APIP: variants seen among roughly 807,000 people sequenced by gnomAD.
The protein encoded by APIP is APAF1 interacting protein.
APIP carries 32 observed loss-of-function variants against 32.0 expected under a neutral mutation model. The observed-to-expected ratio is 1.00, with a 90% CI of 0.76 to 1.34. The LOEUF (loss-of-function observed/expected upper bound fraction) is 1.34, where lower values mean the gene tolerates loss of function less well. Ranked by LOEUF, APIP falls within the 40% of genes most tolerant of loss-of-function variation. The pLI is 0.00. For missense variants in APIP, 247 were observed against 298.6 expected (o/e 0.83, Z 1.27); for synonymous variants, 92 against 94.8 (o/e 0.97, Z 0.17).
In APIP at chr11:34,890,613, G is replaced by A. The variant is rs774491575; in HGVS notation, c.159-61C>T. ...ATTTCCTGCTTTTGCACAAAGAAAAGTTTGCAGTCCAATCATGCATGTTCT... is the reference window on the plus strand; with the variant it reads ...ATTTCCTGCTTTTGCACAAAGAAAAATTTGCAGTCCAATCATGCATGTTCT... On this transcript the variant is annotated intron_variant, in intron 2 of 6. Transcript: ENST00000395787. 11 of 1,559,874 alleles carry A rather than the reference G, an allele frequency of 7.1e-6. No homozygotes were observed. In the South Asian group the frequency reaches 9.1e-5, roughly 13 times the overall value.
intron 1 of APIP, among the ~76,000 whole-genome samples, chr11:34,897,905 C>A (rs1853304749): frequency 6.6e-6 from 1 of 152,124 alleles, no homozygotes; most frequent in Non-Finnish European, 1.5e-5. Context: ...CCTCCTCCAG[C>A]CTCCTAATAG....
chr11:34,902,299 C>T (rs2133917477), intron 1 of APIP, among the ~76,000 whole-genome samples: 1 of 152,328 alleles, frequency 6.6e-6, no homozygotes, highest in African/African-American at 2.4e-5. Context: ...TGTCACAAGA[C>T]ATTTCTGAGT....
At chr11:34,900,023 C>T (rs182314077) in intron 1 of APIP, among the ~76,000 whole-genome samples, 5 of 152,240 alleles carry the variant, frequency 3.3e-5, no homozygotes, top group Admixed American at 3.3e-4. Flanking sequence ...TAGTCTATTG[C>T]ACAAGGGCAT....
At chr11:34,891,979 A>G (rs1853193202) in intron 2 of APIP, among the ~76,000 whole-genome samples, 1 of 152,146 alleles carries the variant, frequency 6.6e-6, no homozygotes, top group Non-Finnish European at 1.5e-5. Context: ...AGTCCTGGGA[A>G]TAGACTCAAA....
chr11:34,895,105 C>T lies in APIP; in HGVS notation c.63G>A (p.Lys21=), dbSNP rs776534472. 3.1e-6 allele frequency: 5 copies of T among 1,612,914 alleles called. No individual in the cohort carries two copies. Among genetic ancestry groups the T allele is most frequent in the East Asian group, 2.2e-5 (1 of 44,870 alleles). ...CTGGGATCAGGTATCTTGGATGCTC[C>T]TTGTCCTTAAAAAGAAGGTAATGAT... The part of the protein sequence containing the change: ...CCSRRCGAQD[K]EHPRYLIPEL... Residue 21 remains lysine (K), a synonymous_variant, in exon 2 of 7, where the codon AAG becomes AAA. Transcript: ENST00000395787.
At chr11:34,888,480 T>G in intron 4 of APIP, 52 bp from the exon 5 acceptor site, 1 of 1,575,754 alleles carries the variant, frequency 6.3e-7, no homozygotes, top group African/African-American at 1.4e-5. Flanking sequence ...AATTATAGCT[T>G]TTAAAGAAAA....
chr11:34,898,226 A>C (rs1176459358), intron 1 of APIP, among the ~76,000 whole-genome samples: 1 of 152,016 alleles, frequency 6.6e-6, no homozygotes, highest in Non-Finnish European at 1.5e-5. Flanking sequence ...CTCTATTTTA[A>C]AATCAAATCA....
intron 1 of APIP, among the ~76,000 whole-genome samples, chr11:34,906,115 G>T (rs1442967715): frequency 6.6e-6 from 1 of 152,044 alleles, no homozygotes; most frequent in African/African-American, 2.4e-5. Flanking sequence ...AAATCTGCCG[G>T]TGTCTCTCAC....
In APIP at chr11:34,883,471, C is replaced by A. The variant is rs749266590; in HGVS notation, c.495G>T (p.Glu165Asp). The A allele has an allele frequency of 6.2e-7, 1 of 1,613,890 alleles. No individual in the cohort carries two copies. Among genetic ancestry groups the A allele is most frequent in the Admixed American group, 1.7e-5 (1 of 59,972 alleles). Residue 165 changes from glutamate to aspartate, a missense_variant, in exon 6 of 7, where the codon GAG becomes GAT. Transcript: ENST00000395787. ...YDDMLVVPII[E>D]NTPEEKDLKD... ...TGAGGTCTTTCTCCTCAGGTGTATTCTCAATAATGGGTACCACTAACATAT... is the reference window on the plus strand; with the variant it reads ...TGAGGTCTTTCTCCTCAGGTGTATTATCAATAATGGGTACCACTAACATAT...
rs1042149869 is a variant in APIP at position 34,892,535 on chromosome 11, T to C, written c.159-1983A>G. On this transcript the variant is annotated intron_variant, in intron 2 of 6. Transcript: ENST00000395787. ...TCACATGCAACAGGATCAGTCTCTC[T>C]GACACCTGTCAATATTACTCTGTGA... Among the ~76,000 whole-genome samples the C allele has an allele frequency of 7.4e-5, 11 of 148,622 alleles. 1 individual carries two copies. The Admixed American group carries it at 7.5e-4, about 10-fold the overall frequency.
intron 2 of APIP, among the ~76,000 whole-genome samples, chr11:34,894,732 T>C (rs1280647304): frequency 6.6e-6 from 1 of 152,204 alleles, no homozygotes; most frequent in Admixed American, 6.5e-5. Context: ...TGAACATACT[T>C]GGTAGCATGT....
At chr11:34,896,357 T>C (rs560334688) in intron 1 of APIP, among the ~76,000 whole-genome samples, 8 of 152,074 alleles carry the variant, frequency 5.3e-5, no homozygotes, top group African/African-American at 1.7e-4. Flanking sequence ...ATAAAGAAAA[T>C]GTGACACATA....
chr11:34,915,230 G>C (rs1853650740), intron 1 of APIP, among the ~76,000 whole-genome samples: 1 of 152,102 alleles, frequency 6.6e-6, no homozygotes, highest in Non-Finnish European at 1.5e-5. Context: ...CACTTGCCCA[G>C]GAACGATCTC....
chr11:34,913,456 A>C (rs1853590968), intron 1 of APIP, among the ~76,000 whole-genome samples: 2 of 151,828 alleles, frequency 1.3e-5, no homozygotes, highest in Admixed American at 6.6e-5. Flanking sequence ...TGACTTCAGG[A>C]GTGAAGCTGC....
At chr11:34,883,897 G>A (rs1217139800) in intron 5 of APIP, among the ~76,000 whole-genome samples, 1 of 152,134 alleles carries the variant, frequency 6.6e-6, no homozygotes, top group Admixed American at 6.5e-5. Context: ...TATATATTAA[G>A]AATTTCCCAA....
exon 1 of APIP, chr11:34,916,373 TGCAATCAGGCGGC>T: frequency 6.4e-7 from 1 of 1,564,940 alleles, no homozygotes; most frequent in South Asian, 1.2e-5. Context: ...AGGCCGCAAA[TGCAATCAGGCGGC>T]GCTGAGGGCA....
intron 3 of APIP, among the ~76,000 whole-genome samples, chr11:34,889,660 A>G (rs1333235166): frequency 6.6e-6 from 1 of 152,044 alleles, no homozygotes; most frequent in African/African-American, 2.4e-5. Context: ...AGTAGGTCCC[A>G]GTGTGTATTG....
At position 34,888,429 on chromosome 11, in the gene APIP, C is replaced by T. The variant is rs1221402945; in HGVS notation, c.326-1G>A. 1.9e-6 allele frequency: 3 copies of T among 1,604,100 alleles called. No homozygotes were observed. Among genetic ancestry groups the T allele is most frequent in the Non-Finnish European group, 2.5e-6 (3 of 1,177,144 alleles). On this transcript the variant is annotated splice_acceptor_variant, in intron 4 of 6. Coordinates refer to ENST00000395787, the MANE Select transcript of APIP (RefSeq NM_015957.4). LOFTEE classifies it high-confidence loss of function. ...TGGGTATGAATCACTGCACCTGCTC[C>T]TGAAGGAGGAAGAAGAAAGCCGCAT... is the stretch of plus-strand genomic sequence containing the variant.
chr11:34,895,025 A>T lies in APIP; in HGVS notation c.143T>A (p.Ile48Asn). Residue 48 changes from isoleucine to asparagine, a missense_variant, in exon 2 of 7, where the codon ATT (isoleucine) becomes AAT (asparagine). Coordinates refer to ENST00000395787, the MANE Select transcript of APIP (RefSeq NM_015957.4). Reference sequence around the variant, plus strand: ...AGAAACTTACCCATGCTTCAAGCTAATTCCTCCTCCAGTCCCAGTGACCCA... The same window carrying T: ...AGAAACTTACCCATGCTTCAAGCTATTTCCTCCTCCAGTCCCAGTGACCCA... ...LGWVTGTGGG[I>N]SLKHGDEIYI... 6.2e-7 allele frequency: 1 copy of T among 1,613,960 alleles called. No homozygotes were observed. The highest frequency in any genetic ancestry group is 8.5e-7 in the Non-Finnish European group (1 of 1,179,964).
Sources: gnomAD v4.1 joint callset for allele counts (sites outside exome capture counted in the v4.1 genomes callset) on GRCh38, gnomAD v4.1.1 for gene constraint, MANE v1.5 for transcripts, NCBI Gene and HGNC (gene_info 2026-07-23, HGNC 2026-07-21) for gene names.